Variants in RORA observed in about 807,000 individuals in gnomAD.
The protein encoded by RORA is nuclear receptor ROR-alpha.
A neutral mutation model predicts 69.5 loss-of-function variants in RORA; 7 were observed. The observed-to-expected ratio is 0.10, with a 90% CI of 0.06 to 0.19. RORA has a LOEUF of 0.19. RORA is among the 10% of genes least tolerant of loss of function. The pLI is 1.00. For synonymous variants in RORA, 261 were observed against 240.8 expected (o/e 1.08, Z -0.78); for missense variants, 457 against 663.0 (o/e 0.69, Z 3.41).
chr15:60,958,134 TG>T (rs67616817), intron 1 of RORA, among the ~76,000 whole-genome samples: 2,339 of 152,300 alleles, frequency 0.015, 57 homozygotes, highest in African/African-American at 0.052. Flanking sequence ...AGAATTTTGG[TG>T]GGCAAAAGTT....
intron 1 of RORA, among the ~76,000 whole-genome samples, chr15:61,111,517 C>A (rs900853989): frequency 3.3e-5 from 5 of 152,166 alleles, no homozygotes; most frequent in African/African-American, 2.4e-5. Flanking sequence ...AGTTTATATA[C>A]ATATAAGTAT....
At chr15:61,031,390 T>G (rs903370289) in intron 1 of RORA, among the ~76,000 whole-genome samples, 2 of 152,194 alleles carry the variant, frequency 1.3e-5, no homozygotes, top group African/African-American at 4.8e-5. Context: ...TCTTTTCTAT[T>G]ATATACCAAG....
chr15:61,165,838 C>T (rs1388833608), intron 1 of RORA, among the ~76,000 whole-genome samples: 1 of 152,218 alleles, frequency 6.6e-6, no homozygotes, highest in African/African-American at 2.4e-5. Flanking sequence ...ATATCTACCC[C>T]TTACTCCAGA....
intron 1 of RORA, among the ~76,000 whole-genome samples, chr15:60,954,860 G>T (rs1893220845): frequency 6.6e-6 from 1 of 152,158 alleles, no homozygotes; most frequent in Non-Finnish European, 1.5e-5. Flanking sequence ...CTTCTTGAGG[G>T]CATGGACTTG....
chr15:61,101,245 G>T (rs968119621), intron 1 of RORA, among the ~76,000 whole-genome samples: 1 of 152,098 alleles, frequency 6.6e-6, no homozygotes, highest in Non-Finnish European at 1.5e-5. Flanking sequence ...GGGTAGGGAC[G>T]GTTAATAGAG....
At chr15:60,506,820 CT>C (rs35619372) in intron 5 of RORA, among the ~76,000 whole-genome samples, 11,135 of 151,986 alleles carry the variant, frequency 0.073, 474 homozygotes, top group Middle Eastern at 0.12. Context: ...AACCCTGTCT[CT>C]ACTGAAAATA....
At chr15:60,942,092 T>C (rs993540847) in intron 1 of RORA, among the ~76,000 whole-genome samples, 2 of 151,952 alleles carry the variant, frequency 1.3e-5, no homozygotes, top group African/African-American at 4.8e-5. Flanking sequence ...TTTAAAAACA[T>C]GGAATTTTTT....
chr15:60,555,675 G>A (rs2067337078), intron 2 of RORA, among the ~76,000 whole-genome samples: 1 of 152,056 alleles, frequency 6.6e-6, no homozygotes, highest in African/African-American at 2.4e-5. Flanking sequence ...GAATGAAGTG[G>A]TCTTGTGTTC....
chr15:60,717,539 C>T (rs1351635475), intron 1 of RORA, among the ~76,000 whole-genome samples: 3 of 152,152 alleles, frequency 2.0e-5, no homozygotes, highest in Admixed American at 1.3e-4. Context: ...TACAATCTTC[C>T]TTTCTTGGCA....
chr15:60,993,061 GGT>G (rs1218905788), intron 1 of RORA, among the ~76,000 whole-genome samples: 1 of 152,048 alleles, frequency 6.6e-6, no homozygotes, highest in African/African-American at 2.4e-5. Flanking sequence ...CCTTGGCATT[GGT>G]TACTTAACAG....
intron 1 of RORA, among the ~76,000 whole-genome samples, chr15:61,220,130 G>T (rs149584416): frequency 1.4e-4 from 22 of 152,254 alleles, no homozygotes; most frequent in African/African-American, 5.3e-4. Context: ...TACAACTCTG[G>T]CAATTTCACA....
intron 1 of RORA, among the ~76,000 whole-genome samples, chr15:60,759,838 G>A (rs1463598662): frequency 6.6e-6 from 1 of 152,086 alleles, no homozygotes; most frequent in Non-Finnish European, 1.5e-5. Context: ...AACCATCTTT[G>A]ATACAAAGAT....
intron 1 of RORA, among the ~76,000 whole-genome samples, chr15:61,218,230 T>C (rs1034132427): frequency 9.2e-5 from 14 of 151,758 alleles, no homozygotes; most frequent in African/African-American, 3.2e-4. Flanking sequence ...ATGTAATTAA[T>C]ATGTTTTTCT....
intron 1 of RORA, among the ~76,000 whole-genome samples, chr15:60,746,109 C>A (rs2071644552): frequency 6.6e-6 from 1 of 152,176 alleles, no homozygotes; most frequent in Admixed American, 6.5e-5. Flanking sequence ...CTTCTGTAGG[C>A]TAAGCCTTCG....
rs2072931134 is a variant in RORA, at chr15:60,824,393, T to C, written c.167-145707A>G. Among the ~76,000 whole-genome samples the C allele has an allele frequency of 2.0e-5, 3 of 152,020 alleles. 1 individual carries two copies. The South Asian group carries it at 6.2e-4, about 32-fold the overall frequency. ...CACAATTATCTCTTTGAGCTTTAAA[T>C]ATCGTTTTGCTGACAGAAGACAACT... On this transcript the variant is annotated intron_variant, in intron 1 of 10. Coordinates refer to ENST00000335670, the MANE Select transcript of RORA (RefSeq NM_134261.3).
In RORA at chr15:61,147,766, CGT is replaced by C. The variant is rs10523030; in HGVS notation, c.166+81285_166+81286del. 0.058 allele frequency among the ~76,000 whole-genome samples: 8,508 copies of C among 147,618 alleles called. 470 individuals are homozygous for C. Among genetic ancestry groups the C allele is most frequent in the East Asian group, 0.21 (1,010 of 4,846 alleles). Reference sequence around the variant, plus strand: ...TGGTCAGTAGGCACGTGCGCACACGCGTGTGTGTGTGTGTGTGTGTGTGTGTG... The same window carrying C: ...TGGTCAGTAGGCACGTGCGCACACGCGTGTGTGTGTGTGTGTGTGTGTGTG... On this transcript the variant is annotated intron_variant, in intron 1 of 10. Transcript: ENST00000335670. The surrounding 1 kb of genome is among the most constrained non-coding windows in gnomAD (Gnocchi z 4.1).
intron 1 of RORA, among the ~76,000 whole-genome samples, chr15:61,089,241 T>A (rs1294544067): frequency 6.6e-6 from 1 of 152,162 alleles, no homozygotes; most frequent in Admixed American, 6.5e-5. Context: ...TGAATATGAG[T>A]AAATCCCCCT....
Position 61,131,539 on chromosome 15 carries a change from C to T in RORA, c.166+97514G>A, listed in dbSNP as rs2079190368. Among the ~76,000 whole-genome samples, 1 of 152,132 alleles carries T rather than the reference C, an allele frequency of 6.6e-6. No homozygotes were observed. Among genetic ancestry groups the T allele is most frequent in the Admixed American group, 6.5e-5 (1 of 15,272 alleles). On this transcript the variant is annotated intron_variant, in intron 1 of 10. Coordinates refer to ENST00000335670, the MANE Select transcript of RORA (RefSeq NM_134261.3). This position sits in a 1 kb window ranked among gnomAD's most constrained non-coding sequence, Gnocchi z 4.2. Reference sequence around the variant, plus strand: ...AATTATAGGGGACTTTGGCCATCCACTGGAAAACTGGAGGAACTGGGATCT... The same window carrying T: ...AATTATAGGGGACTTTGGCCATCCATTGGAAAACTGGAGGAACTGGGATCT...
intron 1 of RORA, among the ~76,000 whole-genome samples, chr15:60,804,857 A>T (rs1321285631): frequency 1.3e-5 from 2 of 152,216 alleles, no homozygotes; most frequent in African/African-American, 4.8e-5. Context: ...CTCTTAAATT[A>T]TAATAGGCTC....
Sources: allele counts gnomAD v4.1 joint callset (sites outside exome capture counted in the v4.1 genomes callset), GRCh38; gene constraint gnomAD v4.1.1; non-coding constraint Gnocchi (gnomAD v3.1); transcripts MANE v1.5; gene names NCBI Gene and HGNC (gene_info 2026-07-23, HGNC 2026-07-21).